PLXDC1: variants seen among roughly 807,000 people sequenced by gnomAD.
The protein encoded by PLXDC1 is plexin domain-containing protein 1.
A neutral mutation model predicts 61.3 loss-of-function variants in PLXDC1; 39 were observed. The observed-to-expected ratio is 0.64, with a 90% CI of 0.49 to 0.83. The LOEUF is 0.83. PLXDC1 is among the 40% of genes least tolerant of loss of function. The pLI is 0.00. For synonymous variants in PLXDC1, 212 were observed against 254.5 expected, an observed-to-expected ratio of 0.83 and a Z score of 1.59; for missense variants, 596 against 666.5, an observed-to-expected ratio of 0.89 and a Z score of 1.17.
intron 11 of PLXDC1, among the ~76,000 whole-genome samples, chr17:39,077,508 C>G (rs1403189637): frequency 4.6e-5 from 7 of 152,206 alleles, no homozygotes; most frequent in African/African-American, 1.4e-4. Flanking sequence ...GCCTTTCTCT[C>G]ACGCCTGAGT....
At chr17:39,104,984 C>T (rs1910544589) in intron 7 of PLXDC1, among the ~76,000 whole-genome samples, 1 of 152,160 alleles carries the variant, frequency 6.6e-6, no homozygotes, top group Non-Finnish European at 1.5e-5. Context: ...GGTACCTTGC[C>T]CTTCTACAGG....
chr17:39,083,735 G>A (rs574397785), intron 8 of PLXDC1, among the ~76,000 whole-genome samples, 195 bp from the exon 9 acceptor site: 2 of 151,960 alleles, frequency 1.3e-5, no homozygotes, highest in African/African-American at 2.4e-5. Flanking sequence ...ATGAGGTCTC[G>A]CTGTGTTGCC....
intron 1 of PLXDC1, among the ~76,000 whole-genome samples, chr17:39,143,483 A>G (rs997570773): frequency 1.3e-5 from 2 of 152,142 alleles, no homozygotes; most frequent in African/African-American, 4.8e-5. Flanking sequence ...ACCTTCTTCA[A>G]ATTTGGCATG....
chr17:39,145,942 C>T (rs2045338527), intron 1 of PLXDC1, among the ~76,000 whole-genome samples: 1 of 152,128 alleles, frequency 6.6e-6, no homozygotes, highest in South Asian at 2.1e-4. Flanking sequence ...AGCAAGTCGC[C>T]CTGCCTTCCC....
At chr17:39,075,504 C>T (rs1490475109) in intron 11 of PLXDC1, among the ~76,000 whole-genome samples, 1 of 152,220 alleles carries the variant, frequency 6.6e-6, no homozygotes, top group Non-Finnish European at 1.5e-5. Flanking sequence ...TGAAACCTGA[C>T]TCTATCCCTT....
chr17:39,079,343 C>T, intron 9 of PLXDC1, 179 bp from the exon 10 acceptor site: 1 of 630,640 alleles, frequency 1.6e-6, no homozygotes, highest in East Asian at 3.2e-5. Context: ...TTGTGGCATC[C>T]CTGCCTTCCT....
chr17:39,112,097 G>T (rs557737636), intron 2 of PLXDC1: 2 of 152,308 alleles, frequency 1.3e-5, no homozygotes, highest in East Asian at 3.9e-4. Context: ...CACCCATCAA[G>T]AAACAAAGCT....
At chr17:39,143,720 C>T (rs1332407023) in intron 1 of PLXDC1, among the ~76,000 whole-genome samples, 1 of 152,276 alleles carries the variant, frequency 6.6e-6, no homozygotes, top group African/African-American at 2.4e-5. Context: ...CCCCCTCTCA[C>T]TTCTCTGCCC....
chr17:39,139,913 A>G, intron 1 of PLXDC1, 81 bp from the exon 2 acceptor site: 1 of 1,383,284 alleles, frequency 7.2e-7, no homozygotes, highest in Non-Finnish European at 9.8e-7. Context: ...TTATTCTGCA[A>G]GGGCCCCAAC....
intron 11 of PLXDC1, among the ~76,000 whole-genome samples, chr17:39,076,920 G>A (rs1194130861): frequency 1.3e-5 from 2 of 152,126 alleles, no homozygotes; most frequent in Non-Finnish European, 2.9e-5. Context: ...ATTTTTAGTA[G>A]AGATGGGTTT....
intron 2 of PLXDC1, among the ~76,000 whole-genome samples, chr17:39,121,203 C>T (rs185232011): frequency 3.3e-5 from 5 of 152,324 alleles, no homozygotes; most frequent in African/African-American, 1.2e-4. Context: ...ATTAAAGAAT[C>T]TCTGAACCCA....
intron 2 of PLXDC1, among the ~76,000 whole-genome samples, chr17:39,120,237 T>C (rs1911116248): frequency 6.6e-6 from 1 of 152,048 alleles, no homozygotes; most frequent in African/African-American, 2.4e-5. Flanking sequence ...CGGCAACCTC[T>C]GCCTCCCAGG....
At chr17:39,138,434 G>A (rs1287064997) in intron 2 of PLXDC1, among the ~76,000 whole-genome samples, 1 of 152,144 alleles carries the variant, frequency 6.6e-6, no homozygotes, top group Non-Finnish European at 1.5e-5. Flanking sequence ...ATCCACAACC[G>A]AGCACACGGA....
intron 9 of PLXDC1, chr17:39,079,606 G>A (rs932290167): frequency 3.7e-5 from 17 of 453,640 alleles, no homozygotes; most frequent in African/African-American, 3.2e-4. Flanking sequence ...GATCATTCAA[G>A]GGCATTTCTG....
At chr17:39,126,367 G>A (rs1037681216) in intron 2 of PLXDC1, among the ~76,000 whole-genome samples, 1 of 152,138 alleles carries the variant, frequency 6.6e-6, no homozygotes, top group African/African-American at 2.4e-5. Context: ...TGTAAGCAAA[G>A]CAACGTATAA....
At chr17:39,129,643 G>GAGAGAGAGAGAAAGAAAGAA in intron 2 of PLXDC1, among the ~76,000 whole-genome samples, 1 of 21,694 alleles carries the variant, frequency 4.6e-5, no homozygotes, top group East Asian at 3.2e-3. Flanking sequence ...GAAAGAAAGA[G>GAGAGAGAGAGAAAGAAAGAA]AGAGAGAGAG....
Position 39,151,214 on chromosome 17 carries a change from T to G in PLXDC1, c.76+148A>C. 1.9e-6 allele frequency: 1 copy of G among 534,964 alleles called. No homozygotes were observed. Among genetic ancestry groups the G allele is most frequent in the Non-Finnish European group, 2.8e-6 (1 of 351,094 alleles). The allele number at this position is 534,964 out of a possible 1,614,324, so 33.1% of individuals were successfully genotyped here. A position where few individuals can be genotyped will look rare whatever the true frequency, so the allele number is the denominator to read the frequency against. Reference sequence around the variant, plus strand: ...TGGGAAAGTGGGGTCCCTATCCACCTGCCCACAGCCCACAGCTCTCCTGGC... The same window carrying G: ...TGGGAAAGTGGGGTCCCTATCCACCGGCCCACAGCCCACAGCTCTCCTGGC... On this transcript the variant is annotated intron_variant, in intron 1 of 13. Transcript: ENST00000315392. This position sits in a 1 kb window ranked among gnomAD's most constrained non-coding sequence, Gnocchi z 5.2.
intron 11 of PLXDC1, 133 bp from the exon 12 acceptor site, chr17:39,072,618 G>C: frequency 1.4e-6 from 1 of 697,720 alleles, no homozygotes; most frequent in Non-Finnish European, 2.6e-6. Flanking sequence ...TCAGAGAGGG[G>C]AGGAGACTTG....
rs1322529451 is a variant in PLXDC1, at chr17:39,069,984, C to T, written c.1255G>A (p.Gly419Ser). 2 of 1,613,742 alleles carry T rather than the reference C, an allele frequency of 1.2e-6. No individual in the cohort carries two copies. Among genetic ancestry groups the T allele is most frequent in the Admixed American group, 3.3e-5 (2 of 59,990 alleles). ...ATGGTGCCCAGGTGCACAGGAGTGC[C>T]CTTTGTCTTGGGGGACAGGTTGTTC... The part of the protein sequence containing the change: ...LQNNLSPKTK[G>S]TPVHLGTIVG... The change falls in exon 13 of 14, where the codon GGC becomes AGC. Residue 419 changes from glycine (G) to serine (S), a missense_variant. Coordinates refer to ENST00000315392, the MANE Select transcript of PLXDC1 (RefSeq NM_020405.5).
Sources: gnomAD v4.1 joint callset for allele counts (sites outside exome capture counted in the v4.1 genomes callset) on GRCh38, gnomAD v4.1.1 for gene constraint, Gnocchi (gnomAD v3.1) non-coding constraint, MANE v1.5 for transcripts, NCBI Gene and HGNC (gene_info 2026-07-23, HGNC 2026-07-21) for gene names.